Variants in PLXNA2 observed in about 807,000 individuals in gnomAD.
PLXNA2 encodes plexin-A2.
PLXNA2 carries 91 observed loss-of-function variants against 193.5 expected under a neutral mutation model. The ratio of observed to expected loss-of-function variants is 0.47; its 90% CI spans 0.40 to 0.56. The LOEUF (loss-of-function observed/expected upper bound fraction) is 0.56. Ranked by LOEUF, PLXNA2 falls within the 20% of genes least tolerant of loss-of-function variation. PLXNA2 has a pLI of 0.00. For synonymous variants in PLXNA2, 997 were observed against 1,027.3 expected (o/e 0.97, Z 0.56); for missense variants, 1,995 against 2,503.2 (o/e 0.80, Z 4.33).
At chr1:208,056,742 G>T (rs996061857) in intron 13 of PLXNA2, among the ~76,000 whole-genome samples, 1 of 152,214 alleles carries the variant, frequency 6.6e-6, no homozygotes, top group Non-Finnish European at 1.5e-5. Context: ...CTGCACTGGG[G>T]AGAAATCAGA....
rs142871447 is a variant in PLXNA2 at position 208,217,558 on chromosome 1, G to T, written c.365C>A (p.Ser122Tyr). Reference protein sequence around the residue: ...NVNKLLIIDYSENRLLACGSL... With the variant: ...NVNKLLIIDYYENRLLACGSL... ...CCCACAGGCCAGCAGGCGGTTCTCAGAGTAGTCAATGATGAGCAGCTTGTT... is the reference window on the plus strand; with the variant it reads ...CCCACAGGCCAGCAGGCGGTTCTCATAGTAGTCAATGATGAGCAGCTTGTT... Residue 122 changes from serine to tyrosine, a missense_variant, in exon 2 of 32, where the codon TCT becomes TAT. This residue lies in a region of PLXNA2 where 702 missense variants were observed against 812.9 expected (regional missense o/e 0.86). Coordinates refer to ENST00000367033, the MANE Select transcript of PLXNA2 (RefSeq NM_025179.4). This position sits in a 1 kb window ranked among gnomAD's most constrained non-coding sequence, Gnocchi z 4.7. 7.5e-3 allele frequency: 12,168 copies of T among 1,614,216 alleles called. 70 individuals carry two copies. The highest frequency in any genetic ancestry group is 0.013 in the Middle Eastern group (77 of 6,062).
At chr1:208,200,895 C>T (rs183717030) in intron 3 of PLXNA2, among the ~76,000 whole-genome samples, 72 of 152,274 alleles carry the variant, frequency 4.7e-4, no homozygotes, top group Admixed American at 2.6e-4. Flanking sequence ...CGTGAACAAC[C>T]GCGCCTGGCC....
At chr1:208,064,864 T>TC (rs1386879013) in intron 12 of PLXNA2, among the ~76,000 whole-genome samples, 1 of 149,684 alleles carries the variant, frequency 6.7e-6, no homozygotes, top group Non-Finnish European at 1.5e-5. Context: ...AGGGTCCCAA[T>TC]CCCCCGACCC....
At chr1:208,100,026 C>T (rs527581735) in intron 5 of PLXNA2, among the ~76,000 whole-genome samples, 5 of 152,132 alleles carry the variant, frequency 3.3e-5, no homozygotes, top group South Asian at 2.1e-4. Flanking sequence ...AGCTGCGACC[C>T]CTTGGACAAA....
chr1:208,157,638 T>C (rs1668976954), intron 3 of PLXNA2, among the ~76,000 whole-genome samples: 1 of 152,186 alleles, frequency 6.6e-6, no homozygotes. Context: ...GGTTGATTTG[T>C]ATTCCACTGC....
chr1:208,107,208 T>A (rs1287861131), intron 4 of PLXNA2, among the ~76,000 whole-genome samples: 1 of 152,090 alleles, frequency 6.6e-6, no homozygotes, highest in Non-Finnish European at 1.5e-5. Flanking sequence ...GTGCACTAAA[T>A]CAGAAACACT....
At chr1:208,191,120 G>A (rs976788031) in intron 3 of PLXNA2, among the ~76,000 whole-genome samples, 2 of 152,210 alleles carry the variant, frequency 1.3e-5, no homozygotes, top group Non-Finnish European at 2.9e-5. Flanking sequence ...CTGTGTATGA[G>A]ATGTGACTGC....
At chr1:208,190,183 T>A (rs1670132311) in intron 3 of PLXNA2, among the ~76,000 whole-genome samples, 1 of 152,154 alleles carries the variant, frequency 6.6e-6, no homozygotes, top group South Asian at 2.1e-4. Context: ...GTGGCAGTTA[T>A]GAACAACATT....
chr1:208,121,536 T>A (rs1316620973), intron 4 of PLXNA2, among the ~76,000 whole-genome samples: 2 of 152,130 alleles, frequency 1.3e-5, no homozygotes, highest in African/African-American at 4.8e-5. Flanking sequence ...TGAGAACTGA[T>A]GGCTTTATAA....
chr1:208,204,738 AG>A (rs1186400723), intron 3 of PLXNA2, among the ~76,000 whole-genome samples: 1 of 152,228 alleles, frequency 6.6e-6, no homozygotes, highest in Non-Finnish European at 1.5e-5. Context: ...GTGAAAAGGA[AG>A]GCCCCTGCCC....
At chr1:208,060,457 G>A (rs796655495) in intron 13 of PLXNA2, among the ~76,000 whole-genome samples, 20 of 152,270 alleles carry the variant, frequency 1.3e-4, no homozygotes, top group Admixed American at 9.1e-4. Context: ...GGTCAGGGCC[G>A]GAGCCCTGAT....
At chr1:208,233,653 C>T (rs12566264) in intron 1 of PLXNA2, among the ~76,000 whole-genome samples, 8,634 of 152,320 alleles carry the variant, frequency 0.057, 360 homozygotes, top group East Asian at 0.13. Context: ...CTCATTCCCT[C>T]GCAGCCTTGT....
At chr1:208,060,934 T>C (rs759060653) in intron 12 of PLXNA2, 97 bp from the exon 13 acceptor site, 14 of 1,060,178 alleles carry the variant, frequency 1.3e-5, no homozygotes, top group African/African-American at 3.2e-5. Flanking sequence ...AGAACCTCCA[T>C]AGGTTCTTAA....
chr1:208,240,282 T>G (rs1182890196), intron 1 of PLXNA2, among the ~76,000 whole-genome samples: 1 of 152,214 alleles, frequency 6.6e-6, no homozygotes, highest in Non-Finnish European at 1.5e-5. Context: ...CAGGAGAGCC[T>G]GAGGGCTAAG....
At position 208,079,103 on chromosome 1, in the gene PLXNA2, C is replaced by T. The variant is rs544156264; in HGVS notation, c.2586+157G>A. On this transcript the variant is annotated intron_variant, in intron 12 of 31. Transcript: ENST00000367033. ...TTACCTCTTATACCTAGACAGGGGCCGTTAAGACACACGCGAGAGGTTTCC... is the reference window on the plus strand; with the variant it reads ...TTACCTCTTATACCTAGACAGGGGCTGTTAAGACACACGCGAGAGGTTTCC... Among the ~76,000 whole-genome samples the T allele has an allele frequency of 1.2e-4, 19 of 152,260 alleles. No individual in the cohort carries two copies. In the South Asian group the frequency reaches 2.1e-3, roughly 17 times the overall value.
chr1:208,129,585 G>GC (rs368166185), intron 4 of PLXNA2, among the ~76,000 whole-genome samples: 2 of 152,208 alleles, frequency 1.3e-5, no homozygotes, highest in African/African-American at 4.8e-5. Context: ...ACACTCCCAA[G>GC]CTTTCCTTAA....
At chr1:208,153,829 G>A (rs557675882) in intron 3 of PLXNA2, among the ~76,000 whole-genome samples, 38 of 152,334 alleles carry the variant, frequency 2.5e-4, no homozygotes, top group Middle Eastern at 3.4e-3. Flanking sequence ...CTGCTTGGCA[G>A]AGCCCAAGGG....
At chr1:208,088,974 C>T (rs975509847) in intron 9 of PLXNA2, among the ~76,000 whole-genome samples, 20 of 152,342 alleles carry the variant, frequency 1.3e-4, no homozygotes, top group South Asian at 2.1e-4. Flanking sequence ...ATTTAAGCCT[C>T]AGTCTATTCA....
chr1:208,032,170 A>G (rs1294306754), intron 28 of PLXNA2: 1 of 984,166 alleles, frequency 1.0e-6, no homozygotes, highest in East Asian at 1.1e-4. Context: ...CAGGACCAGG[A>G]GAGTCTGTTA....
Sources: gnomAD v4.1 joint callset for allele counts (sites outside exome capture counted in the v4.1 genomes callset) on GRCh38, gnomAD v4.1.1 for gene constraint, gnomAD v4.1.1 regional missense constraint, Gnocchi (gnomAD v3.1) non-coding constraint, MANE v1.5 for transcripts, NCBI Gene and HGNC (gene_info 2026-07-23, HGNC 2026-07-21) for gene names.